The following ATG7 variants were observed in gnomAD, a reference collection of about 807,000 sequenced individuals.
ATG7 encodes the protein autophagy related 7, also known as ubiquitin-like modifier-activating enzyme ATG7.
In ATG7, 70 loss-of-function variants were observed where a neutral mutation model predicts 82.4. The ratio of observed to expected loss-of-function variants is 0.85; its 90% CI spans 0.70 to 1.04. The LOEUF is 1.04. Among genes scored for constraint, ATG7 ranks in the 50% least tolerant of loss-of-function variants. The pLI is 0.00. For synonymous variants in ATG7, 287 were observed against 313.0 expected (o/e 0.92, Z 0.88); for missense variants, 792 against 864.3 (o/e 0.92, Z 1.05).
intron 20 of ATG7, among the ~76,000 whole-genome samples, chr3:11,501,925 G>C (rs564789443): frequency 1.3e-5 from 2 of 152,258 alleles, no homozygotes; most frequent in South Asian, 4.2e-4. Context: ...CCTGACCTCA[G>C]TTGATCCCCT....
intron 17 of ATG7, among the ~76,000 whole-genome samples, chr3:11,364,361 C>G (rs966806880): frequency 4.6e-5 from 7 of 152,152 alleles, no homozygotes; most frequent in Non-Finnish European, 1.0e-4. Context: ...TAGTAGATTC[C>G]TCATTTATTA....
At chr3:11,408,024 C>A (rs958740522) in intron 19 of ATG7, among the ~76,000 whole-genome samples, 1 of 152,238 alleles carries the variant, frequency 6.6e-6, no homozygotes. Flanking sequence ...ATGGGATTTT[C>A]TTTTCTATTG....
chr3:11,336,690 A>G (rs1384669226), intron 11 of ATG7, among the ~76,000 whole-genome samples: 2 of 152,020 alleles, frequency 1.3e-5, no homozygotes, highest in Non-Finnish European at 2.9e-5. Context: ...ATTTTTTGAG[A>G]CAGGGTCTTG....
the ATG7 span, chr3:11,569,016 A>C: frequency 1.1e-6 from 1 of 912,122 alleles, no homozygotes; most frequent in Non-Finnish European, 1.3e-6. Context: ...GAGCTTTCTG[A>C]GTACTGAAAG....
At position 11,402,986 on chromosome 3, in the gene ATG7, A is replaced by G. The variant is rs1042682797; in HGVS notation, c.1956+22934A>G. ...AAGTCTTAATTAAAACCAGGAATCTATTCTCTTAAATGCTTAAAGTACATT... is the reference window on the plus strand; with the variant it reads ...AAGTCTTAATTAAAACCAGGAATCTGTTCTCTTAAATGCTTAAAGTACATT... On this transcript the variant is annotated intron_variant, in intron 19 of 20. Coordinates refer to ENST00000693202, the MANE Select transcript of ATG7 (RefSeq NM_001349232.2). 1.1e-4 allele frequency among the ~76,000 whole-genome samples: 17 copies of G among 152,224 alleles called. 1 individual carries two copies. Among genetic ancestry groups the G allele is most frequent in the Admixed American group, 1.3e-4 (2 of 15,280 alleles).
chr3:11,382,010 CA>C (rs1322085088), intron 19 of ATG7, among the ~76,000 whole-genome samples: 1 of 152,152 alleles, frequency 6.6e-6, no homozygotes, highest in African/African-American at 2.4e-5. Context: ...ACATGTTATA[CA>C]GAGTCATGTC....
intron 9 of ATG7, among the ~76,000 whole-genome samples, chr3:11,330,481 A>G (rs866261560): frequency 1.3e-5 from 2 of 152,166 alleles, no homozygotes; most frequent in African/African-American, 2.4e-5. Flanking sequence ...TGGTGCCTGT[A>G]TCACCTTGGC....
intron 7 of ATG7, among the ~76,000 whole-genome samples, chr3:11,311,380 G>A (rs1056468606): frequency 6.6e-6 from 1 of 152,038 alleles, no homozygotes; most frequent in African/African-American, 2.4e-5. Flanking sequence ...GAGGTAGGCG[G>A]ATTGCCTGAG....
chr3:11,313,265 G>A, intron 7 of ATG7, 39 bp from the exon 8 acceptor site: 2 of 1,324,860 alleles, frequency 1.5e-6, no homozygotes, highest in Non-Finnish European at 2.1e-6. Context: ...TTAAGTTAAT[G>A]GTGCTATTCT....
chr3:11,538,746 G>C (rs2070564282), intron 20 of ATG7, among the ~76,000 whole-genome samples: 1 of 144,054 alleles, frequency 6.9e-6, no homozygotes, highest in Middle Eastern at 3.7e-3. Flanking sequence ...TGGTGGTGCA[G>C]GCCTGTGGTT....
chr3:11,353,126 A>T (rs1047430887), intron 14 of ATG7, among the ~76,000 whole-genome samples: 1 of 152,202 alleles, frequency 6.6e-6, no homozygotes, highest in Admixed American at 6.5e-5. Context: ...GAAAAAAATA[A>T]TGGGTGATAG....
chr3:11,559,495 C>T (rs764640239), downstream of ATG7: 9 of 1,508,488 alleles, frequency 6.0e-6, no homozygotes, highest in Middle Eastern at 2.4e-4. Context: ...AGACCAGCTT[C>T]AGTACCGGGC....
rs189797030 is a variant in ATG7 at position 11,542,287 on chromosome 3, C to T, written c.2080-12524C>T. On this transcript the variant is annotated intron_variant, in intron 20 of 20. Transcript: ENST00000693202. ...CGTGTAGATATTGGTGCTTATTTAGCGACATCCCCAGAGGGAGGGTGCCAA... is the reference window on the plus strand; with the variant it reads ...CGTGTAGATATTGGTGCTTATTTAGTGACATCCCCAGAGGGAGGGTGCCAA... Among the ~76,000 whole-genome samples the T allele has an allele frequency of 1.3e-3, 200 of 149,662 alleles. 1 individual carries two copies. Among genetic ancestry groups the T allele is most frequent in the Admixed American group, 2.5e-3 (37 of 15,090 alleles).
intron 20 of ATG7, among the ~76,000 whole-genome samples, chr3:11,538,173 A>G (rs887817287): frequency 6.6e-6 from 1 of 152,162 alleles, no homozygotes; most frequent in Non-Finnish European, 1.5e-5. Flanking sequence ...CAGAGAGAGC[A>G]TGGGGGTTTT....
intron 16 of ATG7, 46 bp downstream of exon 16, chr3:11,360,830 T>A: frequency 6.3e-7 from 1 of 1,598,088 alleles, no homozygotes; most frequent in South Asian, 1.1e-5. Flanking sequence ...ATCACCAACT[T>A]GTACACTGAG....
intron 20 of ATG7, among the ~76,000 whole-genome samples, chr3:11,494,095 A>G (rs2153052282): frequency 6.6e-6 from 1 of 152,350 alleles, no homozygotes; most frequent in East Asian, 1.9e-4. Flanking sequence ...ACAGAAAGCC[A>G]ATCACTGAGA....
chr3:11,322,685 A>G (rs1454263632), intron 9 of ATG7, among the ~76,000 whole-genome samples: 1 of 152,212 alleles, frequency 6.6e-6, no homozygotes, highest in East Asian at 1.9e-4. Flanking sequence ...TATATTTCTC[A>G]TAATTTTTTC....
intron 9 of ATG7, 60 bp from the exon 10 acceptor site, chr3:11,331,280 G>A (rs1040112006): frequency 1.5e-6 from 2 of 1,309,634 alleles, no homozygotes; most frequent in Non-Finnish European, 2.2e-6. Context: ...TATGAGCAAT[G>A]TCTGTATTGT....
At chr3:11,306,218 C>T (rs1947710900) in intron 5 of ATG7, among the ~76,000 whole-genome samples, 1 of 152,200 alleles carries the variant, frequency 6.6e-6, no homozygotes. Context: ...AGACAACCGT[C>T]AGGGGCTTGC....
Sources: gnomAD v4.1 joint callset for allele counts (sites outside exome capture counted in the v4.1 genomes callset) on GRCh38, gnomAD v4.1.1 for gene constraint, MANE v1.5 for transcripts, NCBI Gene and HGNC (gene_info 2026-07-23, HGNC 2026-07-21) for gene names.